Variants in LOC400499 observed in about 807,000 individuals in gnomAD.
chr16:11,514,097 G>A, the LOC400499 span, among the ~76,000 whole-genome samples: 1 of 152,196 alleles, frequency 6.6e-6, no homozygotes, highest in East Asian at 1.9e-4. Context: ...TTAAGGTTGA[G>A]AAACAGAAGA....
the LOC400499 span, among the ~76,000 whole-genome samples, chr16:11,519,670 A>C: frequency 6.6e-6 from 1 of 151,820 alleles, no homozygotes; most frequent in African/African-American, 2.4e-5. Flanking sequence ...TAAATGAAAG[A>C]AGCCAGACAC....
the LOC400499 span, among the ~76,000 whole-genome samples, chr16:11,407,015 T>A: frequency 6.6e-6 from 1 of 152,250 alleles, no homozygotes; most frequent in Non-Finnish European, 1.5e-5. Context: ...TGGCACCTAG[T>A]AGATGCTCCA....
chr16:11,407,246 T>G, the LOC400499 span: 3 of 399,046 alleles, frequency 7.5e-6, no homozygotes, highest in Non-Finnish European at 1.3e-5. Flanking sequence ...GAGACCGGCC[T>G]TAGCAGCTAC....
chr16:11,514,149 C>A, the LOC400499 span, among the ~76,000 whole-genome samples: 1 of 152,194 alleles, frequency 6.6e-6, no homozygotes, highest in East Asian at 1.9e-4. Flanking sequence ...AGGGACTCAA[C>A]CAAGCCAGGG....
At chr16:11,398,568 G>T in the LOC400499 span, 1 of 1,202,540 alleles carries the variant, frequency 8.3e-7, no homozygotes, top group East Asian at 3.2e-5. Context: ...CCCATGGCCA[G>T]CTGCAGTTGG....
the LOC400499 span, chr16:11,448,091 C>G: frequency 7.8e-6 from 12 of 1,531,338 alleles, no homozygotes; most frequent in African/African-American, 2.7e-5. Flanking sequence ...AAGATCCAGG[C>G]TGAAGAGAGG....
At chr16:11,392,341 CT>C in the LOC400499 span, 10 of 399,102 alleles carry the variant, frequency 2.5e-5, no homozygotes, top group African/African-American at 2.1e-4. Flanking sequence ...GCAGGCCCCC[CT>C]GGCAGCCGCG....
the LOC400499 span, among the ~76,000 whole-genome samples, chr16:11,526,802 G>T: frequency 6.6e-6 from 1 of 152,092 alleles, no homozygotes; most frequent in South Asian, 2.1e-4. Context: ...GCCTCGACCT[G>T]CTGGGCTCAA....
chr16:11,427,651 G>A, the LOC400499 span, among the ~76,000 whole-genome samples: 1 of 152,018 alleles, frequency 6.6e-6, no homozygotes, highest in African/African-American at 2.4e-5. Flanking sequence ...TCCCTATGTT[G>A]CCCAGGCTGG....
chr16:11,509,737 A>C, the LOC400499 span, among the ~76,000 whole-genome samples: 2 of 152,038 alleles, frequency 1.3e-5, no homozygotes, highest in Non-Finnish European at 2.9e-5. Flanking sequence ...AGGCTGAGGC[A>C]GAAGAATTGC....
chr16:11,522,617 T>A, the LOC400499 span, among the ~76,000 whole-genome samples: 1 of 152,194 alleles, frequency 6.6e-6, no homozygotes, highest in Admixed American at 6.5e-5. Context: ...ATAACCAACT[T>A]TGAGGTGAAT....
At chr16:11,387,069 G>C in the LOC400499 span, 7 of 1,226,706 alleles carry the variant, frequency 5.7e-6, no homozygotes, top group Admixed American at 1.7e-4. Flanking sequence ...GAGGCAGGGG[G>C]CTCTCAGGGA....
chr16:11,400,026 C>A, the LOC400499 span, among the ~76,000 whole-genome samples: 3 of 150,742 alleles, frequency 2.0e-5, no homozygotes, highest in East Asian at 5.8e-4. Context: ...GAGCTCAGAG[C>A]CATTCCCAGG....
At chr16:11,408,339 T>C in the LOC400499 span, among the ~76,000 whole-genome samples, 1 of 152,176 alleles carries the variant, frequency 6.6e-6, no homozygotes. Context: ...TGATACCCCT[T>C]GTCAAAAATG....
the LOC400499 span, chr16:11,385,130 C>A: frequency 8.1e-7 from 1 of 1,231,414 alleles, no homozygotes; most frequent in South Asian, 4.1e-5. Flanking sequence ...TTGAAAGTGC[C>A]ATCCCCCCAG....
chr16:11,383,112 C>T, the LOC400499 span, among the ~76,000 whole-genome samples: 1 of 151,014 alleles, frequency 6.6e-6, no homozygotes, highest in Non-Finnish European at 1.5e-5. Flanking sequence ...GTTGCCCAGG[C>T]TAGAGTGCAG....
At chr16:11,526,257 C>A in the LOC400499 span, among the ~76,000 whole-genome samples, 1 of 152,262 alleles carries the variant, frequency 6.6e-6, no homozygotes, top group East Asian at 1.9e-4. Flanking sequence ...AAACAAAAAA[C>A]CAATACTCAA....
the LOC400499 span, chr16:11,385,328 C>T: frequency 4.1e-6 from 5 of 1,232,200 alleles, no homozygotes; most frequent in Admixed American, 4.2e-5. Context: ...AGTCCTGGGC[C>T]AGGAGGATGC....
At chr16:11,461,288 C>G in the LOC400499 span, among the ~76,000 whole-genome samples, 1 of 152,366 alleles carries the variant, frequency 6.6e-6, no homozygotes, top group South Asian at 2.1e-4. Context: ...GGCCTGATCA[C>G]AGCTCACTGT....
Sources: allele counts gnomAD v4.1 joint callset (sites outside exome capture counted in the v4.1 genomes callset), GRCh38; gene constraint gnomAD v4.1.1; transcripts MANE v1.5.